The following CSMD3 variants were observed in gnomAD, a reference collection of about 807,000 sequenced individuals.
CSMD3 encodes the protein CUB and sushi domain-containing protein 3.
Under a neutral mutation model 435.2 loss-of-function variants are expected in CSMD3, and 177 were observed. That is an observed-to-expected ratio of 0.41 (90% CI 0.36 to 0.46). The LOEUF (loss-of-function observed/expected upper bound fraction) is 0.46. Ranked by LOEUF, CSMD3 falls within the 20% of genes least tolerant of loss-of-function variation. The probability of loss-of-function intolerance (pLI) is 0.34; values close to 1 mark genes in which losing one functional copy is unlikely to be tolerated. For missense variants in CSMD3, 4,265 were observed against 4,504.6 expected, an observed-to-expected ratio of 0.95 and a Z score of 1.52; for synonymous variants, 1,656 against 1,520.5, an observed-to-expected ratio of 1.09 and a Z score of -2.07.
At position 112,237,215 on chromosome 8, in the gene CSMD3, A is replaced by G. The variant is rs757412233; in HGVS notation, c.10602T>C (p.Asn3534=). 2 of 1,613,628 alleles carry G rather than the reference A, an allele frequency of 1.2e-6. No individual in the cohort carries two copies. The highest frequency in any genetic ancestry group is 1.7e-6 in the Non-Finnish European group (2 of 1,179,638). ...STGRVNATLS[N]SNMELLLSGV... is the part of the protein sequence containing the mutation. ...CTGAAAGTAGCAGCTCCATGTTGCT[A>G]TTGCTCAGTGTTGCGTTAACTCTCC... The change falls in exon 67 of 71, where the codon AAT becomes AAC. Residue 3534 remains asparagine (N), a synonymous_variant. Transcript: ENST00000297405.
chr8:113,360,923 G>A (rs1237749171), intron 1 of CSMD3, among the ~76,000 whole-genome samples: 2 of 152,082 alleles, frequency 1.3e-5, no homozygotes, highest in Non-Finnish European at 2.9e-5. Context: ...GATGCTAATG[G>A]ATTCAAAGAA....
intron 16 of CSMD3, among the ~76,000 whole-genome samples, chr8:112,669,193 C>T (rs2075598863): frequency 6.6e-6 from 1 of 151,838 alleles, no homozygotes; most frequent in Non-Finnish European, 1.5e-5. Flanking sequence ...CCACCACACC[C>T]GGCTAATTTT....
chr8:112,493,583 T>C (rs554885090), intron 30 of CSMD3, among the ~76,000 whole-genome samples: 3 of 152,254 alleles, frequency 2.0e-5, no homozygotes, highest in Non-Finnish European at 4.4e-5. Flanking sequence ...TTTGACAGAT[T>C]TTCTATCCCT....
At chr8:112,489,952 G>C (rs1376376199) in intron 31 of CSMD3, among the ~76,000 whole-genome samples, 1 of 152,052 alleles carries the variant, frequency 6.6e-6, no homozygotes, top group Admixed American at 6.5e-5. Flanking sequence ...TTTCAGGAGT[G>C]AATGAATGTG....
At chr8:112,938,949 C>T (rs1344239552) in intron 9 of CSMD3, among the ~76,000 whole-genome samples, 2 of 151,980 alleles carry the variant, frequency 1.3e-5, no homozygotes, top group Non-Finnish European at 2.9e-5. Flanking sequence ...TTGAAACCTA[C>T]AGTGTGTTAA....
chr8:112,226,080 T>C (rs932491206), intron 70 of CSMD3, among the ~76,000 whole-genome samples: 4 of 152,190 alleles, frequency 2.6e-5, no homozygotes, highest in Non-Finnish European at 5.9e-5. Flanking sequence ...TATTATAATT[T>C]GTAATTGCCA....
intron 20 of CSMD3, 59 bp downstream of exon 20, chr8:112,645,050 G>A: frequency 1.1e-6 from 1 of 888,812 alleles, no homozygotes; most frequent in Non-Finnish European, 1.9e-6. Context: ...AGTGAAATAA[G>A]AATAGACTCA....
At chr8:112,338,046 C>T (rs1824743846) in intron 42 of CSMD3, among the ~76,000 whole-genome samples, 3 of 152,196 alleles carry the variant, frequency 2.0e-5, no homozygotes, top group Admixed American at 2.0e-4. Context: ...TAATCCAATG[C>T]ATTCTGATTC....
chr8:112,542,292 T>G (rs1826745650), intron 27 of CSMD3, among the ~76,000 whole-genome samples: 1 of 148,498 alleles, frequency 6.7e-6, no homozygotes, highest in South Asian at 2.1e-4. Flanking sequence ...AGCATAGTAC[T>G]GCTAGTCCTG....
chr8:113,261,120 G>A (rs762879156), intron 3 of CSMD3, among the ~76,000 whole-genome samples: 8 of 152,036 alleles, frequency 5.3e-5, no homozygotes, highest in African/African-American at 7.2e-5. Flanking sequence ...CAGATGGGCC[G>A]AGTTCTTGAT....
intron 24 of CSMD3, among the ~76,000 whole-genome samples, chr8:112,563,542 A>G (rs952229627): frequency 6.6e-6 from 1 of 151,936 alleles, no homozygotes; most frequent in Non-Finnish European, 1.5e-5. Context: ...CTAAGTTTGT[A>G]TCCTGTACAT....
chr8:113,023,949 CT>C (rs2086779325), intron 5 of CSMD3, among the ~76,000 whole-genome samples: 1 of 152,076 alleles, frequency 6.6e-6, no homozygotes, highest in Non-Finnish European at 1.5e-5. Context: ...TCTCTTCTAG[CT>C]ATTTTGAGAT....
At chr8:112,542,892 G>C (rs1260880678) in intron 27 of CSMD3, among the ~76,000 whole-genome samples, 1 of 152,046 alleles carries the variant, frequency 6.6e-6, no homozygotes, top group Admixed American at 6.6e-5. Flanking sequence ...GAAGAGAATA[G>C]AGAGACCAGA....
chr8:112,917,790 C>G (rs111298520), intron 10 of CSMD3, among the ~76,000 whole-genome samples: 20 of 151,970 alleles, frequency 1.3e-4, no homozygotes, highest in Admixed American at 1.3e-4. Context: ...CCAGGAGATA[C>G]ATAAGATAAC....
intron 5 of CSMD3, among the ~76,000 whole-genome samples, chr8:113,086,222 C>T (rs1374900682): frequency 6.7e-6 from 1 of 150,164 alleles, no homozygotes; most frequent in African/African-American, 2.5e-5. Flanking sequence ...GCACTCCAGC[C>T]TGGGCAACAA....
chr8:112,723,409 T>C (rs2076902498), intron 13 of CSMD3, among the ~76,000 whole-genome samples: 1 of 152,172 alleles, frequency 6.6e-6, no homozygotes, highest in South Asian at 2.1e-4. Flanking sequence ...GTGAGTATAT[T>C]AGATTTAACA....
rs377758500 is a variant in CSMD3 at position 112,254,161 on chromosome 8, C to G, written c.10110+92G>C. On this transcript the variant is annotated intron_variant, in intron 63 of 70. Transcript: ENST00000297405. ...GTTTATAAATGCAGATAGAACATGACTTTTTGTTATGTCAACAAGATTATA... is the reference window on the plus strand; with the variant it reads ...GTTTATAAATGCAGATAGAACATGAGTTTTTGTTATGTCAACAAGATTATA... 428 of 904,082 alleles carry G rather than the reference C, an allele frequency of 4.7e-4. 2 individuals are homozygous for G. In the African/African-American group the frequency reaches 6.2e-3, roughly 13 times the overall value. 56.0% of individuals were successfully genotyped at this position (904,082 alleles called of 1,614,324 possible).
intron 1 of CSMD3, among the ~76,000 whole-genome samples, chr8:113,417,842 A>C (rs759269691): frequency 6.6e-6 from 1 of 152,086 alleles, no homozygotes; most frequent in Non-Finnish European, 1.5e-5. Flanking sequence ...ATCAAATGAT[A>C]AATTGGAGAA....
intron 27 of CSMD3, among the ~76,000 whole-genome samples, chr8:112,531,070 C>A (rs1050161506): frequency 2.6e-5 from 4 of 152,106 alleles, no homozygotes; most frequent in Non-Finnish European, 1.5e-5. Flanking sequence ...AACACAGTTA[C>A]CCCTCCCCTA....
Sources: gnomAD v4.1 joint callset for allele counts (sites outside exome capture counted in the v4.1 genomes callset) on GRCh38, gnomAD v4.1.1 for gene constraint, MANE v1.5 for transcripts, NCBI Gene and HGNC (gene_info 2026-07-23, HGNC 2026-07-21) for gene names.